Variants in CCDC86 observed in about 807,000 individuals in gnomAD.
CCDC86 encodes the protein coiled-coil domain-containing protein 86.
In CCDC86, 28 loss-of-function variants were observed where a neutral mutation model predicts 36.7. That is an observed-to-expected ratio of 0.76 (90% CI 0.57 to 1.05). The LOEUF (loss-of-function observed/expected upper bound fraction) is 1.05, where lower values mean the gene tolerates loss of function less well. Ranked by LOEUF, CCDC86 falls within the 50% of genes least tolerant of loss-of-function variation. The pLI is 0.00. For synonymous variants in CCDC86, 199 were observed against 203.4 expected (o/e 0.98, Z 0.18); for missense variants, 453 against 470.2 (o/e 0.96, Z 0.34).
chr11:60,842,765 GA>G lies in CCDC86; in HGVS notation c.645del (p.Gly216ValfsTer12). On this transcript the variant is annotated frameshift_variant, in exon 1 of 4. Coordinates refer to ENST00000227520, the MANE Select transcript of CCDC86 (RefSeq NM_024098.4). LOFTEE classifies it high-confidence loss of function. ...ACAGGCGGCTTCGGGGCAAAGAAGC[GA>G]AAAGGTTCTTCATCCCAGGCCCCAG... ...TVTGGFGAKK[R>X]KGSSSQAPAS... is the part of the protein sequence containing the mutation. The G allele has an allele frequency of 6.2e-7, 1 of 1,613,408 alleles. No homozygotes were observed. The highest frequency in any genetic ancestry group is 8.5e-7 in the Non-Finnish European group (1 of 1,179,480).
At position 60,850,299 on chromosome 11, in the gene CCDC86, C is replaced by G; in HGVS notation, c.1057C>G (p.Pro353Ala). ...DTLALLQKQP[P>A]QQPAAKI is the part of the protein sequence containing the mutation. The stretch of plus-strand genomic sequence containing the variant: ...CCTGGCCCTGCTGCAGAAGCAGCCG[C>G]CCCAGCAGCCGGCAGCCAAGATCTG... Residue 353 changes from proline to alanine, a missense_variant, in exon 4 of 4, where the codon CCC becomes GCC. Coordinates refer to ENST00000227520, the MANE Select transcript of CCDC86 (RefSeq NM_024098.4). The G allele has an allele frequency of 6.2e-7, 1 of 1,614,112 alleles. No individual in the cohort carries two copies. The highest frequency in any genetic ancestry group is 8.5e-7 in the Non-Finnish European group (1 of 1,179,980).
rs764184156 is a variant in CCDC86, at chr11:60,842,693, G to T, written c.569G>T (p.Arg190Leu). 6.2e-7 allele frequency: 1 copy of T among 1,613,900 alleles called. No individual in the cohort carries two copies. Among genetic ancestry groups the T allele is most frequent in the Admixed American group, 1.7e-5 (1 of 60,010 alleles). ...ELTPRAPGSP[R>L]GQHEPSKPPP... ...ACACCCAGGGCACCTGGCTCCCCCC[G>T]GGGTCAGCATGAGCCGAGCAAGCCA... The change falls in exon 1 of 4, where the codon CGG becomes CTG. Residue 190 changes from arginine to leucine, a missense_variant. Arg to Leu is a moderately radical substitution (Grantham distance 102). Coordinates refer to ENST00000227520, the MANE Select transcript of CCDC86 (RefSeq NM_024098.4).
chr11:60,848,370 G>A (rs1462324969), intron 2 of CCDC86, among the ~76,000 whole-genome samples: 2 of 152,168 alleles, frequency 1.3e-5, no homozygotes. Flanking sequence ...GGGTGGTAGG[G>A]CAGTCAGTGA....
chr11:60,849,862 C>T, intron 2 of CCDC86, 78 bp from the exon 3 acceptor site: 2 of 1,250,432 alleles, frequency 1.6e-6, no homozygotes, highest in South Asian at 1.3e-5. Context: ...ATTCTGCCCG[C>T]TCGCACTCTT....
At chr11:60,849,886 G>T in intron 2 of CCDC86, 54 bp from the exon 3 acceptor site, 1 of 1,485,314 alleles carries the variant, frequency 6.7e-7, no homozygotes. Context: ...GGGCCTGAGA[G>T]ACCAGGGCTG....
Position 60,850,219 on chromosome 11 carries a change from C to T in CCDC86, c.977C>T (p.Ala326Val), listed in dbSNP as rs767563831. 6 of 1,614,224 alleles carry T rather than the reference C, an allele frequency of 3.7e-6. No individual in the cohort carries two copies. Among genetic ancestry groups the T allele is most frequent in the Admixed American group, 3.3e-5 (2 of 60,026 alleles). Residue 326 changes from alanine (A) to valine (V), a missense_variant, in exon 4 of 4, where the codon GCC becomes GTC. By Grantham distance (64) the Ala-to-Val change is moderately conservative. Transcript: ENST00000227520. ...TACCACCCCCAGATCCGAAACCCCG[C>T]CAAGCTCAAGCGGGCAAAGAAGAAG... ...AEVVQVIRNP[A>V]KLKRAKKKQL...
Position 60,842,441 on chromosome 11 carries a change from A to T in CCDC86, c.317A>T (p.Gln106Leu), listed in dbSNP as rs769681692. ...CTACACCTGGAGTCGCCTCAAAGAC[A>T]GCCAGAGTACAGTCCTGAATCCCCA... is the stretch of plus-strand genomic sequence containing the variant. ...QDLHLESPQR[Q>L]PEYSPESPRC... The change falls in exon 1 of 4, where the codon CAG becomes CTG. Residue 106 changes from glutamine (Q) to leucine (L), a missense_variant. Transcript: ENST00000227520. 5 of 1,613,942 alleles carry T rather than the reference A, an allele frequency of 3.1e-6. No individual in the cohort carries two copies. In the Admixed American group the frequency reaches 6.7e-5, roughly 22 times the overall value.
At chr11:60,848,752 G>A (rs1044015420) in intron 2 of CCDC86, among the ~76,000 whole-genome samples, 6 of 152,042 alleles carry the variant, frequency 3.9e-5, no homozygotes, top group Admixed American at 6.5e-5. Flanking sequence ...GAGGAGTGCC[G>A]AACGGGATTC....
intron 1 of CCDC86, 143 bp from the exon 2 acceptor site, chr11:60,847,781 G>C (rs1171074123): frequency 8.5e-7 from 1 of 1,180,826 alleles, no homozygotes; most frequent in Non-Finnish European, 1.2e-6. Flanking sequence ...CTGCAGCCCT[G>C]GAAGGCCGCC....
Position 60,850,329 on chromosome 11 carries a change from C to G in CCDC86, c.*4C>G, listed in dbSNP as rs779720765. ...GCAGCCGGCAGCCAAGATCTGAGCT[C>G]AGGACGGCCCGAGGCCTTCCATGGC... On this transcript the variant is annotated 3_prime_UTR_variant, in exon 4 of 4. Coordinates refer to ENST00000227520, the MANE Select transcript of CCDC86 (RefSeq NM_024098.4). The G allele has an allele frequency of 1.9e-6, 3 of 1,613,770 alleles. No homozygotes were observed. The highest frequency in any genetic ancestry group is 2.2e-5 in the South Asian group (2 of 91,072).
At chr11:60,846,023 G>C (rs1179340410) in intron 1 of CCDC86, among the ~76,000 whole-genome samples, 2 of 152,126 alleles carry the variant, frequency 1.3e-5, no homozygotes, top group African/African-American at 2.4e-5. Context: ...CACATTTCTA[G>C]CGCTCAGCAG....
At position 60,842,735 on chromosome 11, in the gene CCDC86, C is replaced by T. The variant is rs747638342; in HGVS notation, c.611C>T (p.Thr204Met). 3.7e-6 allele frequency: 6 copies of T among 1,613,394 alleles called. No individual in the cohort carries two copies. Among genetic ancestry groups the T allele is most frequent in the Non-Finnish European group, 5.1e-6 (6 of 1,179,602 alleles). ...EPSKPPPAGE[T>M]VTGGFGAKKR... ...AGCAAGCCACCTCCAGCTGGGGAGACGGTGACAGGCGGCTTCGGGGCAAAG... is the reference window on the plus strand; with the variant it reads ...AGCAAGCCACCTCCAGCTGGGGAGATGGTGACAGGCGGCTTCGGGGCAAAG... Residue 204 changes from threonine (T) to methionine (M), a missense_variant, in exon 1 of 4, where the codon ACG becomes ATG. Coordinates refer to ENST00000227520, the MANE Select transcript of CCDC86 (RefSeq NM_024098.4).
At chr11:60,849,318 G>A (rs1002750228) in intron 2 of CCDC86, among the ~76,000 whole-genome samples, 12 of 152,214 alleles carry the variant, frequency 7.9e-5, no homozygotes, top group African/African-American at 2.9e-4. Flanking sequence ...TATCTTACGA[G>A]GTAGATACTG....
intron 1 of CCDC86, among the ~76,000 whole-genome samples, chr11:60,846,767 T>C (rs1047924870): frequency 6.6e-6 from 1 of 151,970 alleles, no homozygotes; most frequent in Non-Finnish European, 1.5e-5. Context: ...AGAGACAGGG[T>C]TTCTCCATGT....
intron 1 of CCDC86, 115 bp downstream of exon 1, chr11:60,842,997 G>T: frequency 3.0e-6 from 4 of 1,332,078 alleles, no homozygotes; most frequent in Non-Finnish European, 4.0e-6. Flanking sequence ...TCACGTTAGT[G>T]GGGATGTTAG....
intron 1 of CCDC86, among the ~76,000 whole-genome samples, chr11:60,843,424 C>T (rs1487903221): frequency 1.3e-5 from 2 of 152,140 alleles, no homozygotes; most frequent in Non-Finnish European, 2.9e-5. Context: ...GTGAAGCAGG[C>T]GGTGTTATTA....
At position 60,850,462 on chromosome 11, in the gene CCDC86, G is replaced by A. The variant is rs534840733; in HGVS notation, c.*137G>A. On this transcript the variant is annotated 3_prime_UTR_variant, in exon 4 of 4. Transcript: ENST00000227520. ...AACAGGGACCCCCACCCCGACCGGG[G>A]CTCCTCGGCCTTTGAAGGCTTCCAG... 16 of 1,209,310 alleles carry A rather than the reference G, an allele frequency of 1.3e-5. No individual in the cohort carries two copies. The highest frequency in any genetic ancestry group is 1.1e-5 in the Non-Finnish European group (10 of 888,326). The allele number at this position is 1,209,310 out of a possible 1,614,324, so 74.9% of individuals were successfully genotyped here.
chr11:60,842,766 A>G lies in CCDC86; in HGVS notation c.642A>G (p.Arg214=). ...CAGGCGGCTTCGGGGCAAAGAAGCG[A>G]AAAGGTTCTTCATCCCAGGCCCCAG... ...TVTGGFGAKK[R]KGSSSQAPAS... Residue 214 remains arginine, a synonymous_variant, in exon 1 of 4, where the codon CGA becomes CGG. Coordinates refer to ENST00000227520, the MANE Select transcript of CCDC86 (RefSeq NM_024098.4). 1.9e-6 allele frequency: 3 copies of G among 1,613,436 alleles called. No individual in the cohort carries two copies. The African/African-American group carries it at 4.0e-5, about 22-fold the overall frequency.
At chr11:60,847,063 G>T (rs11230505) in intron 1 of CCDC86, among the ~76,000 whole-genome samples, 1 of 151,442 alleles carries the variant, frequency 6.6e-6, no homozygotes, top group African/African-American at 2.4e-5. Context: ...ACTGGGGGAA[G>T]AGATTCTTTT....
Sources: allele counts gnomAD v4.1 joint callset (sites outside exome capture counted in the v4.1 genomes callset), GRCh38; gene constraint gnomAD v4.1.1; transcripts MANE v1.5; gene names NCBI Gene and HGNC (gene_info 2026-07-23, HGNC 2026-07-21).